RARRES2: variants seen among roughly 807,000 people sequenced by gnomAD.
RARRES2 encodes retinoic acid receptor responder protein 2.
RARRES2 carries 12 observed loss-of-function variants against 17.9 expected under a neutral mutation model. The observed-to-expected ratio is 0.67, with a 90% CI of 0.43 to 1.08. The LOEUF is 1.08. Ranked by LOEUF, RARRES2 falls within the 50% of genes least tolerant of loss-of-function variation. The pLI, the probability that RARRES2 is intolerant of heterozygous loss-of-function variation, is 0.00. For synonymous variants in RARRES2, 82 were observed against 86.8 expected, an observed-to-expected ratio of 0.94 and a Z score of 0.31; for missense variants, 220 against 210.1, an observed-to-expected ratio of 1.05 and a Z score of -0.29.
At chr7:150,340,307 G>A in intron 2 of RARRES2, 103 bp from the exon 3 acceptor site, 1 of 1,536,438 alleles carries the variant, frequency 6.5e-7, no homozygotes. Context: ...CATTCCAGCA[G>A]GCTGGACAGT....
At chr7:150,339,358 G>T (rs950494861) in intron 3 of RARRES2, among the ~76,000 whole-genome samples, 2 of 152,144 alleles carry the variant, frequency 1.3e-5, no homozygotes, top group Non-Finnish European at 2.9e-5. Flanking sequence ...GCATAAACAC[G>T]CATGTATGTG....
chr7:150,338,872 C>T (rs967681635), intron 4 of RARRES2, 114 bp downstream of exon 4: 1 of 1,543,440 alleles, frequency 6.5e-7, no homozygotes, highest in Admixed American at 1.7e-5. Flanking sequence ...TTTCTAGCCC[C>T]CACTGCCCTC....
Position 150,339,007 on chromosome 7 carries a change from G to A in RARRES2, c.354C>T (p.Pro118=). The part of the protein sequence containing the change: ...DKVLGRLVHC[P]IETQVLREAE... ...TTACCCGCAGAACTTGGGTCTCTAT[G>A]GGGCAGTGGACCAACCGGCCCAGAA... The change falls in exon 4 of 6, where the codon CCC becomes CCT. Residue 118 remains proline, a synonymous_variant. Transcript: ENST00000223271. 1 of 1,611,112 alleles carries A rather than the reference G, an allele frequency of 6.2e-7. No homozygotes were observed. The highest frequency in any genetic ancestry group is 8.5e-7 in the Non-Finnish European group (1 of 1,177,294).
chr7:150,339,552 A>G (rs1798427838), intron 3 of RARRES2, among the ~76,000 whole-genome samples: 1 of 152,088 alleles, frequency 6.6e-6, no homozygotes, highest in African/African-American at 2.4e-5. Context: ...TTGATGAATC[A>G]TTGCTATAGT....
rs1318840156 is a variant in RARRES2 at position 150,340,094 on chromosome 7, A to G, written c.279+6T>C. The G allele has an allele frequency of 6.2e-7, 1 of 1,611,340 alleles. No homozygotes were observed. The highest frequency in any genetic ancestry group is 8.5e-7 in the Non-Finnish European group (1 of 1,178,172). ...GCGCCCATTGCTCTCACACCCCTTCACTCACCCCATTGGGCCTGACTTTGC... is the reference window on the plus strand; with the variant it reads ...GCGCCCATTGCTCTCACACCCCTTCGCTCACCCCATTGGGCCTGACTTTGC... On this transcript the variant is annotated splice_donor_region_variant and intron_variant, in intron 3 of 5. Transcript: ENST00000223271.
At chr7:150,339,120 A>C in intron 3 of RARRES2, 39 bp from the exon 4 acceptor site, 2 of 1,520,162 alleles carry the variant, frequency 1.3e-6, no homozygotes, top group South Asian at 2.2e-5. Context: ...GCAGAGGAAA[A>C]GGGTGAGGGA....
chr7:150,340,663 A>T, intron 1 of RARRES2, 34 bp from the exon 2 acceptor site: 3 of 1,431,736 alleles, frequency 2.1e-6, no homozygotes, highest in Admixed American at 2.7e-5. Flanking sequence ...CAGCTCTCCG[A>T]GCCAGCCCGA....
Position 150,340,493 on chromosome 7 carries a change from C to T in RARRES2, c.117G>A (p.Lys39=). Residue 39 remains lysine, a synonymous_variant, in exon 2 of 6, where the codon AAG becomes AAA. Coordinates refer to ENST00000223271, the MANE Select transcript of RARRES2 (RefSeq NM_002889.4). ...GGAAGGCCCACTGCACGGGCGGGTG[C>T]TTGTGAAATTCCTCCAGGGCCACCT... ...GLQVALEEFH[K]HPPVQWAFQE... The T allele has an allele frequency of 6.2e-7, 1 of 1,607,798 alleles. No individual in the cohort carries two copies. Among genetic ancestry groups the T allele is most frequent in the South Asian group, 1.1e-5 (1 of 89,870 alleles).
In RARRES2 at chr7:150,338,470, G is replaced by A. The variant is rs1024942125; in HGVS notation, c.*11-31C>T. ...CAAAAGGGGAAACAGGTTTGGGGGT[G>A]AGGGAGGTTGCTTCAGCCCCAGTCC... On this transcript the variant is annotated intron_variant, in intron 5 of 5. Coordinates refer to ENST00000223271, the MANE Select transcript of RARRES2 (RefSeq NM_002889.4). 8 of 1,526,152 alleles carry A rather than the reference G, an allele frequency of 5.2e-6. No homozygotes were observed. The African/African-American group carries it at 1.1e-4, about 21-fold the overall frequency. 94.5% of individuals were successfully genotyped at this position (1,526,152 alleles called of 1,614,324 possible). A position where few individuals can be genotyped will look rare whatever the true frequency, so the allele number is the denominator to read the frequency against.
intron 5 of RARRES2, 75 bp from the exon 6 acceptor site, chr7:150,338,514 TCTGACCTGTCCCCTCCCAGGCTC>T (rs1798391000): frequency 2.0e-6 from 3 of 1,518,824 alleles, no homozygotes; most frequent in Non-Finnish European, 2.7e-6. Flanking sequence ...CTCCCAGGCT[TCTGACCTGTCCCCTCCCAGGCTC>T]CCAAAGCCCA....
At position 150,338,747 on chromosome 7, in the gene RARRES2, A is replaced by G. The variant is rs762728272; in HGVS notation, c.376-6T>C. On this transcript the variant is annotated splice_polypyrimidine_tract_variant and splice_region_variant and intron_variant, in intron 4 of 5. Transcript: ENST00000223271. ...TCCTGGTGCTCCTCAGCCTCCTGCC[A>G]GTGCCCAAAACTGTTCAGGCAGTGT... 22 of 1,558,220 alleles carry G rather than the reference A, an allele frequency of 1.4e-5. No homozygotes were observed. The South Asian group carries it at 2.2e-4, about 16-fold the overall frequency.
chr7:150,340,171 A>G lies in RARRES2; in HGVS notation c.208T>C (p.Phe70Leu), dbSNP rs1440574145. ...CGGCAGCTTGTCTGCTGCAGCTTAA[A>G]TTCCAGCCTCACAAATATTCCAGCT... ...FPAGIFVRLE[F>L]KLQQTSCRKR... The change falls in exon 3 of 6, where the codon TTT becomes CTT. Residue 70 changes from phenylalanine (F) to leucine (L), a missense_variant. Phe to Leu is a conservative substitution (Grantham distance 22, BLOSUM62 0). Transcript: ENST00000223271. 1.2e-6 allele frequency: 2 copies of G among 1,614,154 alleles called. No homozygotes were observed. The highest frequency in any genetic ancestry group is 2.2e-5 in the South Asian group (2 of 91,082).
At position 150,338,970 on chromosome 7, in the gene RARRES2, C is replaced by G. The variant is rs758712774; in HGVS notation, c.375+16G>C. ...CCCAGCCCTGTCACCACCTGTGCACCCTTGCCCCTTCTTACCCGCAGAACT... is the reference window on the plus strand; with the variant it reads ...CCCAGCCCTGTCACCACCTGTGCACGCTTGCCCCTTCTTACCCGCAGAACT... On this transcript the variant is annotated intron_variant, in intron 4 of 5. Transcript: ENST00000223271. 1 of 1,585,236 alleles carries G rather than the reference C, an allele frequency of 6.3e-7. No individual in the cohort carries two copies. Among genetic ancestry groups the G allele is most frequent in the South Asian group, 1.1e-5 (1 of 90,482 alleles).
Position 150,340,490 on chromosome 7 carries a change from G to A in RARRES2, c.120C>T (p.His40=). The part of the protein sequence containing the change: ...LQVALEEFHK[H]PPVQWAFQET... Reference sequence around the variant, plus strand: ...CCTGGAAGGCCCACTGCACGGGCGGGTGCTTGTGAAATTCCTCCAGGGCCA... The same window carrying A: ...CCTGGAAGGCCCACTGCACGGGCGGATGCTTGTGAAATTCCTCCAGGGCCA... The change falls in exon 2 of 6, where the codon CAC becomes CAT. Residue 40 remains histidine (H), a synonymous_variant. Transcript: ENST00000223271. The A allele has an allele frequency of 1.9e-6, 3 of 1,608,414 alleles. No individual in the cohort carries two copies. In the South Asian group the frequency reaches 3.3e-5, roughly 18 times the overall value.
Position 150,340,466 on chromosome 7 carries a change from C to T in RARRES2, c.144G>A (p.Gln48=). 1.2e-6 allele frequency: 2 copies of T among 1,610,148 alleles called. No homozygotes were observed. Among genetic ancestry groups the T allele is most frequent in the South Asian group, 1.1e-5 (1 of 90,484 alleles). ...CCACGGCGCTCTCCACACTGGTCTC[C>T]TGGAAGGCCCACTGCACGGGCGGGT... The part of the protein sequence containing the change: ...HKHPPVQWAF[Q]ETSVESAVDT... Residue 48 remains glutamine (Q), a synonymous_variant, in exon 2 of 6, where the codon CAG becomes CAA. Transcript: ENST00000223271.
chr7:150,340,399 C>T (rs745464252), intron 2 of RARRES2, 37 bp downstream of exon 2: 4 of 1,565,128 alleles, frequency 2.6e-6, no homozygotes, highest in Middle Eastern at 2.1e-4. Context: ...TCCTGGGGTA[C>T]GACCCTCCCC....
At chr7:150,338,520 C>T in intron 5 of RARRES2, 81 bp from the exon 6 acceptor site, 1 of 1,517,656 alleles carries the variant, frequency 6.6e-7, no homozygotes, top group Non-Finnish European at 8.9e-7. Context: ...GGCTTCTGAC[C>T]TGTCCCCTCC....
chr7:150,341,256 G>A (rs1798483095), intron 1 of RARRES2: 1 of 152,412 alleles, frequency 6.6e-6, no homozygotes, highest in South Asian at 2.1e-4. Context: ...TGGGGGTCTC[G>A]CGCCGCCCAG....
At chr7:150,340,270 G>A (rs1798450518) in intron 2 of RARRES2, 66 bp from the exon 3 acceptor site, 4 of 1,575,442 alleles carry the variant, frequency 2.5e-6, no homozygotes. Flanking sequence ...AAGCCCTGGT[G>A]TGATCCGCAC....
Sources: allele counts gnomAD v4.1 joint callset (sites outside exome capture counted in the v4.1 genomes callset), GRCh38; gene constraint gnomAD v4.1.1; transcripts MANE v1.5; gene names NCBI Gene and HGNC (gene_info 2026-07-23, HGNC 2026-07-21).